ADGRB1: variants seen among roughly 807,000 people sequenced by gnomAD.
The protein encoded by ADGRB1 is brain-specific angiogenesis inhibitor 1.
ADGRB1 carries 36 observed loss-of-function variants against 175.7 expected under a neutral mutation model. That is an observed-to-expected ratio of 0.20 (90% CI 0.16 to 0.27). The LOEUF is 0.27. Among genes scored for constraint, ADGRB1 ranks in the 10% least tolerant of loss-of-function variants. The probability of loss-of-function intolerance (pLI) is 1.00; values close to 1 mark genes in which losing one functional copy is unlikely to be tolerated. For synonymous variants in ADGRB1, 1,054 were observed against 979.4 expected (o/e 1.08, Z -1.42); for missense variants, 1,731 against 2,255.3 (o/e 0.77, Z 4.71).
intron 24 of ADGRB1, 45 bp from the exon 25 acceptor site, chr8:142,533,250 G>A (rs779143183): frequency 4.3e-5 from 63 of 1,456,958 alleles, no homozygotes; most frequent in Non-Finnish European, 4.8e-5. Flanking sequence ...GGGTGTCCCT[G>A]GGGGCAGGGG....
chr8:142,489,565 T>A, intron 16 of ADGRB1, 127 bp downstream of exon 16: 2 of 992,306 alleles, frequency 2.0e-6, no homozygotes, highest in Non-Finnish European at 3.0e-6. Context: ...GAGCTACTTT[T>A]ATCCCTGGAT....
In ADGRB1 at chr8:142,533,280, A is replaced by G. The variant is rs13272804; in HGVS notation, c.3399-15A>G. On this transcript the variant is annotated splice_polypyrimidine_tract_variant and intron_variant, in intron 24 of 30. Transcript: ENST00000517894. ...CAGGGGCGGGGGCGGCAGCGCTGAC[A>G]CCCTCCATCCCCAGGGCCTCCCTGT... 591,168 of 1,499,742 alleles carry G rather than the reference A, an allele frequency of 0.39. 120,645 individuals are homozygous for G. Among genetic ancestry groups the G allele is most frequent in the East Asian group, 0.73 (29,550 of 40,368 alleles). 92.9% of individuals were successfully genotyped at this position (1,499,742 alleles called of 1,614,324 possible).
intron 1 of ADGRB1, among the ~76,000 whole-genome samples, chr8:142,461,665 G>A (rs1273878338): frequency 6.6e-6 from 1 of 152,238 alleles, no homozygotes; most frequent in Non-Finnish European, 1.5e-5. Flanking sequence ...AGCTGCCAGG[G>A]CCTGGGATGA....
At chr8:142,498,234 C>G (rs1842318437) in intron 17 of ADGRB1, among the ~76,000 whole-genome samples, 1 of 152,210 alleles carries the variant, frequency 6.6e-6, no homozygotes, top group East Asian at 1.9e-4. Flanking sequence ...TTCGATCCAC[C>G]CTACCCCAGC....
In ADGRB1 at chr8:142,526,553, C is replaced by T; in HGVS notation, c.3324C>T (p.Val1108=). The T allele has an allele frequency of 1.5e-6, 2 of 1,357,956 alleles. No individual in the cohort carries two copies. The highest frequency in any genetic ancestry group is 1.9e-5 in the Admixed American group (1 of 52,326). 84.1% of individuals were successfully genotyped at this position (1,357,956 alleles called of 1,614,324 possible). The change falls in exon 24 of 31, where the codon GTC becomes GTT. Residue 1108 remains valine (V), a synonymous_variant. Coordinates refer to ENST00000517894, the MANE Select transcript of ADGRB1 (RefSeq NM_001702.3). ...TCTCTGCCCGGCAGGTGAACATGGT[C>T]ATTGGGATCCTGGTGTTCAACAAGC... ...PAAAVVLVNM[V]IGILVFNKLV...
chr8:142,456,287 G>C (rs986649613), intron 1 of ADGRB1, among the ~76,000 whole-genome samples: 14 of 152,224 alleles, frequency 9.2e-5, no homozygotes, highest in African/African-American at 3.4e-4. Context: ...GACGTGTGCA[G>C]ACCCAATGCT....
intron 24 of ADGRB1, among the ~76,000 whole-genome samples, chr8:142,529,655 T>C (rs1360742315): frequency 6.8e-6 from 1 of 146,652 alleles, no homozygotes; most frequent in Admixed American, 6.8e-5. Context: ...TATATGCGTG[T>C]GTGAGTGTGC....
At position 142,464,555 on chromosome 8, in the gene ADGRB1, C is replaced by T; in HGVS notation, c.357C>T (p.Ser119=). 2 of 1,552,952 alleles carry T rather than the reference C, an allele frequency of 1.3e-6. No individual in the cohort carries two copies. Among genetic ancestry groups the T allele is most frequent in the Non-Finnish European group, 1.7e-6 (2 of 1,151,934 alleles). The change falls in exon 2 of 31, where the codon AGC becomes AGT. Residue 119 remains serine, a synonymous_variant. Transcript: ENST00000517894. The part of the protein sequence containing the change: ...ESTRTYLGVE[S]FDEVLRLCDP... ...CGCGCACCTACCTGGGCGTGGAGAG[C>T]TTCGACGAGGTGCTGCGGCTCTGCG...
chr8:142,515,297 C>T (rs911744883), intron 18 of ADGRB1, among the ~76,000 whole-genome samples: 4 of 152,214 alleles, frequency 2.6e-5, no homozygotes, highest in African/African-American at 7.2e-5. Context: ...CTCCCCTCGG[C>T]GTGAGTTGAG....
chr8:142,527,391 G>GTC (rs781242197), intron 24 of ADGRB1, among the ~76,000 whole-genome samples: 104 of 152,172 alleles, frequency 6.8e-4, no homozygotes, highest in Non-Finnish European at 1.1e-3. Flanking sequence ...GTGTCTCTCT[G>GTC]TCTCTCTCTC....
At chr8:142,499,811 C>G (rs996623160) in intron 17 of ADGRB1, among the ~76,000 whole-genome samples, 3 of 152,208 alleles carry the variant, frequency 2.0e-5, no homozygotes, top group African/African-American at 7.2e-5. Flanking sequence ...CCGCCACTTC[C>G]TGGGTGCCTG....
chr8:142,543,729 C>CT lies in ADGRB1; in HGVS notation c.4557+21_4557+22insT. On this transcript the variant is annotated intron_variant, in intron 30 of 30. Coordinates refer to ENST00000517894, the MANE Select transcript of ADGRB1 (RefSeq NM_001702.3). This position sits in a 1 kb window ranked among gnomAD's most constrained non-coding sequence, Gnocchi z 4.4. ...GCAAGGTCTGGAGGGCAGGGAGGGG[C>CT]GGGGTGGGGAGAGCCCTTAGGTCAG... 2.6e-6 allele frequency: 1 copy of CT among 387,746 alleles called. No homozygotes were observed. The highest frequency in any genetic ancestry group is 5.0e-6 in the Non-Finnish European group (1 of 198,852). 24.0% of individuals were successfully genotyped at this position (387,746 alleles called of 1,614,324 possible). A position where few individuals can be genotyped will look rare whatever the true frequency, so the allele number is the denominator to read the frequency against.
chr8:142,506,959 C>T (rs1466778006), intron 17 of ADGRB1, among the ~76,000 whole-genome samples: 4 of 152,218 alleles, frequency 2.6e-5, no homozygotes. Flanking sequence ...CTGACGGTCC[C>T]TTGCAGACCT....
intron 24 of ADGRB1, among the ~76,000 whole-genome samples, chr8:142,530,225 T>G (rs1844544212): frequency 6.6e-6 from 1 of 151,948 alleles, no homozygotes; most frequent in Non-Finnish European, 1.5e-5. Context: ...GGTGAGTGTG[T>G]GAATGCGTGT....
At chr8:142,536,941 G>T in intron 25 of ADGRB1, 46 bp from the exon 26 acceptor site, 2 of 1,501,650 alleles carry the variant, frequency 1.3e-6, no homozygotes, top group Admixed American at 2.0e-5. Context: ...GCTGGCGCAG[G>T]GTGGGGGCGT....
Position 142,474,284 on chromosome 8 carries a change from G to A in ADGRB1, c.785-1190G>A, listed in dbSNP as rs1002979916. On this transcript the variant is annotated intron_variant, in intron 2 of 30. Transcript: ENST00000517894. The surrounding 1 kb of genome is among the most constrained non-coding windows in gnomAD (Gnocchi z 5.8). The stretch of plus-strand genomic sequence containing the variant: ...GGCCTCCCCTGCTGTACCTGGGATC[G>A]AGCTGCCGGATCCCCAGTGTTCCCC... Among the ~76,000 whole-genome samples the A allele has an allele frequency of 3.3e-5, 5 of 152,118 alleles. No homozygotes were observed. Among genetic ancestry groups the A allele is most frequent in the South Asian group, 2.1e-4 (1 of 4,824 alleles).
intron 1 of ADGRB1, among the ~76,000 whole-genome samples, chr8:142,461,588 T>C (rs1008427727): frequency 1.3e-5 from 2 of 152,090 alleles, no homozygotes; most frequent in Non-Finnish European, 2.9e-5. Flanking sequence ...ACACCCCAGC[T>C]CCTGTGCCTG....
intron 6 of ADGRB1, 56 bp from the exon 7 acceptor site, chr8:142,478,131 C>G: frequency 6.4e-7 from 1 of 1,555,410 alleles, no homozygotes; most frequent in East Asian, 2.4e-5. Context: ...ACATTCCAAG[C>G]CAGGCATTGG....
In ADGRB1 at chr8:142,510,266, C is replaced by T. The variant is rs1171274995; in HGVS notation, c.2676-666C>T. ...GTAGACAGCGGGCGGCTGGGTCAGACCGCAGAGGGAAGTTTCCAGCGGCAA... is the reference window on the plus strand; with the variant it reads ...GTAGACAGCGGGCGGCTGGGTCAGATCGCAGAGGGAAGTTTCCAGCGGCAA... On this transcript the variant is annotated intron_variant, in intron 17 of 30. Coordinates refer to ENST00000517894, the MANE Select transcript of ADGRB1 (RefSeq NM_001702.3). The surrounding 1 kb of genome is among the most constrained non-coding windows in gnomAD (Gnocchi z 6.3). 1.3e-5 allele frequency among the ~76,000 whole-genome samples: 2 copies of T among 152,044 alleles called. No individual in the cohort carries two copies. Among genetic ancestry groups the T allele is most frequent in the Non-Finnish European group, 2.9e-5 (2 of 67,986 alleles).
Sources: allele counts gnomAD v4.1 joint callset (sites outside exome capture counted in the v4.1 genomes callset), GRCh38; gene constraint gnomAD v4.1.1; non-coding constraint Gnocchi (gnomAD v3.1); transcripts MANE v1.5; gene names NCBI Gene and HGNC (gene_info 2026-07-23, HGNC 2026-07-21).